SRBD1: variants seen among roughly 807,000 people sequenced by gnomAD.
The protein encoded by SRBD1 is S1 RNA binding domain 1, also known as S1 RNA-binding domain-containing protein 1.
Under a neutral mutation model 115.3 loss-of-function variants are expected in SRBD1, and 88 were observed. That is an observed-to-expected ratio of 0.76 (90% confidence interval 0.64 to 0.91). The LOEUF (loss-of-function observed/expected upper bound fraction) is 0.91, where lower values mean the gene tolerates loss of function less well. Ranked by LOEUF, SRBD1 falls within the 40% of genes least tolerant of loss-of-function variation. SRBD1 has a pLI of 0.00. For missense variants in SRBD1, 1,385 were observed against 1,177.4 expected, an observed-to-expected ratio of 1.18 and a Z score of -2.58; for synonymous variants, 509 against 407.7, an observed-to-expected ratio of 1.25 and a Z score of -2.99.
chr2:45,392,766 TG>T (rs1300422452), intron 20 of SRBD1, among the ~76,000 whole-genome samples, 178 bp downstream of exon 20: 1 of 152,234 alleles, frequency 6.6e-6, no homozygotes, highest in Non-Finnish European at 1.5e-5. Flanking sequence ...CTTCTAGCTT[TG>T]GCTCTGGATA....
intron 14 of SRBD1, among the ~76,000 whole-genome samples, chr2:45,490,757 A>C (rs1347355803): frequency 2.0e-5 from 3 of 152,148 alleles, no homozygotes; most frequent in African/African-American, 7.2e-5. Flanking sequence ...TGCAAAGAAA[A>C]ACACTCAGAT....
chr2:45,473,295 T>C (rs1024525319), intron 16 of SRBD1, among the ~76,000 whole-genome samples: 1 of 152,180 alleles, frequency 6.6e-6, no homozygotes. Flanking sequence ...AGAATCTTAA[T>C]ACTTTTTATC....
chr2:45,398,307 C>A (rs544495608), intron 19 of SRBD1, among the ~76,000 whole-genome samples: 5 of 151,324 alleles, frequency 3.3e-5, no homozygotes, highest in Admixed American at 2.0e-4. Context: ...TGGGTGGGGG[C>A]GTTTTAAATG....
At chr2:45,602,208 G>A (rs1244016770) in intron 2 of SRBD1, 125 bp from the exon 3 acceptor site, 9 of 1,101,936 alleles carry the variant, frequency 8.2e-6, no homozygotes, top group Non-Finnish European at 1.1e-5. Context: ...TGGAGTGATT[G>A]AGTACAGGCT....
At chr2:45,405,648 G>C (rs980415214) in intron 19 of SRBD1, among the ~76,000 whole-genome samples, 1 of 152,140 alleles carries the variant, frequency 6.6e-6, no homozygotes, top group Non-Finnish European at 1.5e-5. Flanking sequence ...AAAGCTTGAA[G>C]AATATATACA....
chr2:45,458,266 T>C (rs943944607), intron 16 of SRBD1, among the ~76,000 whole-genome samples: 4 of 152,022 alleles, frequency 2.6e-5, no homozygotes, highest in East Asian at 1.9e-4. Flanking sequence ...GACCTGAGCG[T>C]GATTAGAAAA....
rs192087379 is a variant in SRBD1 at position 45,604,294 on chromosome 2, G to A, written c.80+1068C>T. ...CTTCAAATAAAATTCTAATACCAGG[G>A]AAGATCAAGTTGGAGATACTGTATA... is the stretch of plus-strand genomic sequence containing the variant. On this transcript the variant is annotated intron_variant, in intron 2 of 20. Transcript: ENST00000263736. Among the ~76,000 whole-genome samples the A allele has an allele frequency of 5.3e-3, 781 of 147,618 alleles. 1 individual carries two copies. The highest frequency in any genetic ancestry group is 0.014 in the Middle Eastern group (4 of 278).
intron 4 of SRBD1, among the ~76,000 whole-genome samples, chr2:45,598,028 G>C (rs1235384734): frequency 6.6e-6 from 1 of 152,244 alleles, no homozygotes; most frequent in Non-Finnish European, 1.5e-5. Flanking sequence ...AAAAGGAAAA[G>C]AGAAGGGAAG....
At chr2:45,495,800 C>T (rs998859909) in intron 14 of SRBD1, among the ~76,000 whole-genome samples, 2 of 152,086 alleles carry the variant, frequency 1.3e-5, no homozygotes, top group Non-Finnish European at 2.9e-5. Flanking sequence ...AGGTTCACTG[C>T]TAACAAGATA....
intron 14 of SRBD1, among the ~76,000 whole-genome samples, chr2:45,510,060 AT>A (rs1416776012): frequency 6.6e-6 from 1 of 152,170 alleles, no homozygotes; most frequent in African/African-American, 2.4e-5. Context: ...CACCTATTTC[AT>A]TTCTAGTTTG....
intron 14 of SRBD1, among the ~76,000 whole-genome samples, chr2:45,520,144 G>A (rs926534448): frequency 7.2e-5 from 11 of 152,216 alleles, no homozygotes; most frequent in African/African-American, 2.4e-4. Context: ...TGTTCCAGAT[G>A]TCAGCCAAAT....
chr2:45,402,369 C>A (rs896435665), intron 19 of SRBD1, among the ~76,000 whole-genome samples: 2 of 152,166 alleles, frequency 1.3e-5, no homozygotes, highest in Non-Finnish European at 2.9e-5. Flanking sequence ...CTGAATTTTA[C>A]ATTGACGGCT....
intron 16 of SRBD1, among the ~76,000 whole-genome samples, chr2:45,433,391 T>C (rs1668396203): frequency 6.6e-6 from 1 of 152,238 alleles, no homozygotes; most frequent in East Asian, 1.9e-4. Context: ...GACAAACATA[T>C]ACAATGTTAT....
At chr2:45,426,313 G>A (rs999117389) in intron 16 of SRBD1, among the ~76,000 whole-genome samples, 1 of 152,212 alleles carries the variant, frequency 6.6e-6, no homozygotes, top group African/African-American at 2.4e-5. Flanking sequence ...CCTCCCCTCT[G>A]GGCAGGGCAT....
chr2:45,486,358 T>C (rs989991333), intron 15 of SRBD1, among the ~76,000 whole-genome samples: 5 of 152,222 alleles, frequency 3.3e-5, no homozygotes, highest in East Asian at 1.9e-4. Flanking sequence ...CCTTTTATCA[T>C]AGAAATTAGG....
chr2:45,468,381 C>T (rs1291364144), intron 16 of SRBD1, among the ~76,000 whole-genome samples: 1 of 150,238 alleles, frequency 6.7e-6, no homozygotes, highest in Non-Finnish European at 1.5e-5. Context: ...AATATTGCTT[C>T]AATGAACTTT....
At chr2:45,572,930 G>T (rs1036343640) in intron 9 of SRBD1, among the ~76,000 whole-genome samples, 4 of 152,084 alleles carry the variant, frequency 2.6e-5, no homozygotes, top group African/African-American at 9.7e-5. Flanking sequence ...CTGGGAAGCA[G>T]AGTCTAACAA....
chr2:45,473,906 T>C (rs1371316293), intron 16 of SRBD1, among the ~76,000 whole-genome samples: 2 of 152,218 alleles, frequency 1.3e-5, no homozygotes, highest in Admixed American at 6.5e-5. Flanking sequence ...CAATTTTACA[T>C]CAGATGAACG....
chr2:45,546,128 G>C, intron 14 of SRBD1: 2 of 977,350 alleles, frequency 2.0e-6, no homozygotes, highest in South Asian at 9.5e-5. Flanking sequence ...GATCCAAAGA[G>C]GAAGTAGGGA....
Sources: allele counts gnomAD v4.1 joint callset (sites outside exome capture counted in the v4.1 genomes callset), GRCh38; gene constraint gnomAD v4.1.1; transcripts MANE v1.5; gene names NCBI Gene and HGNC (gene_info 2026-07-23, HGNC 2026-07-21).